Variants in CNBD2 observed in about 807,000 individuals in gnomAD.
CNBD2 encodes cyclic nucleotide binding domain containing 2.
CNBD2 carries 64 observed loss-of-function variants against 63.7 expected under a neutral mutation model. That is an observed-to-expected ratio of 1.00 (90% CI 0.82 to 1.24). The LOEUF is 1.24. Ranked by LOEUF, CNBD2 falls within the 50% of genes most tolerant of loss-of-function variation. The pLI is 0.00. For missense variants in CNBD2, 691 were observed against 713.5 expected, an observed-to-expected ratio of 0.97 and a Z score of 0.36; for synonymous variants, 229 against 255.4, an observed-to-expected ratio of 0.90 and a Z score of 0.99.
intron 7 of CNBD2, 119 bp downstream of exon 7, chr20:35,987,652 T>C: frequency 8.8e-7 from 1 of 1,138,636 alleles, no homozygotes; most frequent in Non-Finnish European, 1.2e-6. Flanking sequence ...ATTCACTTCC[T>C]TCTCAGAGTT....
intron 9 of CNBD2, among the ~76,000 whole-genome samples, chr20:36,010,481 T>A (rs1014926700): frequency 6.6e-6 from 1 of 151,082 alleles, no homozygotes; most frequent in African/African-American, 2.4e-5. Flanking sequence ...AAGAAATTCC[T>A]TCCTCTTGGC....
In CNBD2 at chr20:35,984,680, A is replaced by C. The variant is rs1326546873; in HGVS notation, c.618A>C (p.Glu206Asp). The change falls in exon 6 of 12, where the codon GAA (glutamate) becomes GAC (aspartate). Residue 206 changes from glutamate to aspartate, a missense_variant. By Grantham distance (45) the Glu-to-Asp change is conservative. Coordinates refer to ENST00000373973, the MANE Select transcript of CNBD2 (RefSeq NM_001365709.1). Reference sequence around the variant, plus strand: ...GGAGGTCCACCATCGTCTGTATGGAAGAAACGGAGTTCCTGGTTGTTGACC... The same window carrying C: ...GGAGGTCCACCATCGTCTGTATGGACGAAACGGAGTTCCTGGTTGTTGACC... ...SVRRSTIVCM[E>D]ETEFLVVDRE... 1 of 1,614,126 alleles carries C rather than the reference A, an allele frequency of 6.2e-7. No homozygotes were observed. The highest frequency in any genetic ancestry group is 8.5e-7 in the Non-Finnish European group (1 of 1,180,054).
chr20:36,011,301 G>A (rs1465086621), intron 10 of CNBD2, 44 bp downstream of exon 10: 1 of 1,435,412 alleles, frequency 7.0e-7, no homozygotes. Context: ...TACGTAACAT[G>A]AATGGGCTGG....
intron 8 of CNBD2, among the ~76,000 whole-genome samples, chr20:35,999,891 C>T (rs2056873441): frequency 6.6e-6 from 1 of 152,076 alleles, no homozygotes; most frequent in Non-Finnish European, 1.5e-5. Context: ...GTTGGCCAGG[C>T]TGGTCTTGAA....
Position 35,972,694 on chromosome 20 carries a change from C to A in CNBD2, c.117C>A (p.Gly39=), listed in dbSNP as rs765119984. 6.2e-7 allele frequency: 1 copy of A among 1,613,800 alleles called. No homozygotes were observed. Among genetic ancestry groups the A allele is most frequent in the Non-Finnish European group, 8.5e-7 (1 of 1,179,792 alleles). ...GAGTGTGTAAAATGTTCCGCCAAGG[C>A]CTCAGGGGATTCCGGGAATATCAAA... ...MIRVCKMFRQ[G]LRGFREYQII... The change falls in exon 2 of 12, where the codon GGC becomes GGA. Residue 39 remains glycine, a synonymous_variant. Coordinates refer to ENST00000373973, the MANE Select transcript of CNBD2 (RefSeq NM_001365709.1).
At chr20:36,019,140 G>C (rs1022127954) in intron 10 of CNBD2, among the ~76,000 whole-genome samples, 1 of 152,206 alleles carries the variant, frequency 6.6e-6, no homozygotes, top group Non-Finnish European at 1.5e-5. Context: ...GGAATGAAAA[G>C]CAGGGTGGGT....
chr20:36,005,679 G>C (rs1447735590), intron 8 of CNBD2, among the ~76,000 whole-genome samples: 2 of 152,070 alleles, frequency 1.3e-5, no homozygotes, highest in African/African-American at 4.8e-5. Flanking sequence ...GGCCGGGCAT[G>C]GTGGCTCACA....
intron 10 of CNBD2, among the ~76,000 whole-genome samples, chr20:36,019,215 A>G (rs1232984592): frequency 6.6e-6 from 1 of 152,042 alleles, no homozygotes; most frequent in Non-Finnish European, 1.5e-5. Context: ...TTAAGCTGAG[A>G]CCTGAATGAT....
downstream of CNBD2, among the ~76,000 whole-genome samples, chr20:35,957,380 AG>A (rs2056267485): frequency 6.6e-6 from 1 of 151,888 alleles, no homozygotes; most frequent in African/African-American, 2.4e-5. Context: ...TGAGCTCAGG[AG>A]TTCAAGACCA....
chr20:35,958,753 C>G (rs2147165467), downstream of CNBD2: 1 of 152,322 alleles, frequency 6.6e-6, no homozygotes, highest in South Asian at 2.1e-4. Context: ...CTCGTGCTAT[C>G]TCTTTATAAT....
intron 2 of CNBD2, among the ~76,000 whole-genome samples, chr20:35,961,612 T>C (rs955396093): frequency 6.6e-6 from 1 of 152,168 alleles, no homozygotes; most frequent in African/African-American, 2.4e-5. Context: ...TTTTCAGTAA[T>C]ATATTTGTAT....
chr20:35,992,851 G>T (rs1334393700), intron 7 of CNBD2, among the ~76,000 whole-genome samples: 1 of 148,098 alleles, frequency 6.8e-6, no homozygotes, highest in Non-Finnish European at 1.5e-5. Context: ...TTTTTTGAGT[G>T]TTCATCTCTG....
At chr20:35,993,196 T>C (rs2056772526) in intron 7 of CNBD2, among the ~76,000 whole-genome samples, 1 of 152,220 alleles carries the variant, frequency 6.6e-6, no homozygotes, top group Admixed American at 6.5e-5. Flanking sequence ...ATCTAAACTT[T>C]ACAGCTTCAT....
chr20:36,008,348 T>TG lies in CNBD2; in HGVS notation c.1023dup (p.Gln342AlafsTer4). 1 of 1,614,042 alleles carries TG rather than the reference T, an allele frequency of 6.2e-7. No homozygotes were observed. Among genetic ancestry groups the TG allele is most frequent in the East Asian group, 2.2e-5 (1 of 44,868 alleles). ...GAATTCCAGATCAAATCATATCCTCTGCAAGACTTTAGCTCCTTGAAACTT... is the reference window on the plus strand; with the variant it reads ...GAATTCCAGATCAAATCATATCCTCTGGCAAGACTTTAGCTCCTTGAAACTT... On this transcript the variant is annotated frameshift_variant, in exon 9 of 12. Coordinates refer to ENST00000373973, the MANE Select transcript of CNBD2 (RefSeq NM_001365709.1). LOFTEE classifies it high-confidence loss of function.
chr20:35,965,838 C>T (rs371836244), upstream of CNBD2, among the ~76,000 whole-genome samples: 332 of 152,288 alleles, frequency 2.2e-3, no homozygotes, highest in Non-Finnish European at 3.9e-3. Context: ...CTCCAAACTT[C>T]CTGCTTCTTC....
intron 3 of CNBD2, among the ~76,000 whole-genome samples, chr20:35,976,205 CTG>C (rs969935948): frequency 1.3e-5 from 2 of 152,174 alleles, no homozygotes; most frequent in African/African-American, 4.8e-5. Flanking sequence ...AGCTCCAAGA[CTG>C]TGAGCATGTA....
At chr20:36,026,554 A>G (rs2057285240) in intron 11 of CNBD2, among the ~76,000 whole-genome samples, 1 of 152,028 alleles carries the variant, frequency 6.6e-6, no homozygotes. Flanking sequence ...CCACAGTCTG[A>G]CACCCCACTC....
chr20:36,005,733 G>A (rs1169897341), intron 8 of CNBD2, among the ~76,000 whole-genome samples: 1 of 151,900 alleles, frequency 6.6e-6, no homozygotes, highest in African/African-American at 2.4e-5. Flanking sequence ...GACGGATCAC[G>A]AGGTCAGGAG....
intron 2 of CNBD2, among the ~76,000 whole-genome samples, chr20:35,960,447 A>G (rs1173113117): frequency 6.6e-6 from 1 of 152,212 alleles, no homozygotes; most frequent in Non-Finnish European, 1.5e-5. Flanking sequence ...GGTTCAAACT[A>G]TTCTGCCTCA....
Sources: allele counts gnomAD v4.1 joint callset (sites outside exome capture counted in the v4.1 genomes callset), GRCh38; gene constraint gnomAD v4.1.1; transcripts MANE v1.5; gene names NCBI Gene and HGNC (gene_info 2026-07-23, HGNC 2026-07-21).